The following CSMD1 variants were observed in gnomAD, a reference collection of about 807,000 sequenced individuals.
CSMD1 encodes CUB and Sushi multiple domains 1, also known as CUB and sushi domain-containing protein 1.
In CSMD1, 213 loss-of-function variants were observed where a neutral mutation model predicts 417.5. The observed-to-expected ratio is 0.51, with a 90% CI of 0.46 to 0.57. The LOEUF is 0.57. Among genes scored for constraint, CSMD1 ranks in the 20% least tolerant of loss-of-function variants. The probability of loss-of-function intolerance (pLI) is 0.00; values close to 1 mark genes in which losing one functional copy is unlikely to be tolerated. For synonymous variants in CSMD1, 2,862 were observed against 1,736.8 expected (o/e 1.65, Z -16.11); for missense variants, 6,923 against 4,529.7 (o/e 1.53, Z -15.17).
intron 2 of CSMD1, among the ~76,000 whole-genome samples, chr8:4,453,902 A>G (rs1478438936): frequency 9.5e-5 from 12 of 126,908 alleles, no homozygotes; most frequent in Non-Finnish European, 1.7e-4. Context: ...GCTCACTGCC[A>G]GCTCCGCCTC....
intron 2 of CSMD1, among the ~76,000 whole-genome samples, chr8:4,483,281 T>C (rs1221543601): frequency 6.6e-6 from 1 of 152,198 alleles, no homozygotes; most frequent in African/African-American, 2.4e-5. Flanking sequence ...GTGAGTCCAA[T>C]AAACCTCTTT....
chr8:4,306,843 A>AG (rs1315591708), intron 3 of CSMD1, among the ~76,000 whole-genome samples: 7 of 151,042 alleles, frequency 4.6e-5, no homozygotes, highest in Non-Finnish European at 1.0e-4. Context: ...TTTAAAAAAA[A>AG]TCTAATAATT....
chr8:3,695,204 G>T (rs1355173929), intron 7 of CSMD1, among the ~76,000 whole-genome samples: 4 of 151,702 alleles, frequency 2.6e-5, no homozygotes, highest in African/African-American at 7.3e-5. Flanking sequence ...TGAAAACCAG[G>T]TTTATCTTAT....
chr8:4,673,482 G>C (rs539939565), intron 1 of CSMD1, among the ~76,000 whole-genome samples: 2 of 152,124 alleles, frequency 1.3e-5, no homozygotes, highest in African/African-American at 4.8e-5. Context: ...TAAAACCTCA[G>C]GAAATGATTG....
chr8:3,578,164 T>A (rs1017037448), intron 9 of CSMD1, among the ~76,000 whole-genome samples: 4 of 152,216 alleles, frequency 2.6e-5, no homozygotes, highest in African/African-American at 9.6e-5. Flanking sequence ...CAGAAGGGTA[T>A]AATTTCTCAT....
chr8:4,046,841 T>C (rs1339010207), intron 3 of CSMD1, among the ~76,000 whole-genome samples: 1 of 152,146 alleles, frequency 6.6e-6, no homozygotes, highest in African/African-American at 2.4e-5. Context: ...ACTTCATGTA[T>C]TATTTCCCTG....
At chr8:3,202,292 C>G (rs957423526) in intron 31 of CSMD1, among the ~76,000 whole-genome samples, 7 of 152,220 alleles carry the variant, frequency 4.6e-5, no homozygotes, top group Non-Finnish European at 7.3e-5. Context: ...TAAAATTCCT[C>G]ACAAAAGATT....
chr8:4,728,725 G>T (rs1159318110), intron 1 of CSMD1, among the ~76,000 whole-genome samples: 1 of 151,958 alleles, frequency 6.6e-6, no homozygotes, highest in Non-Finnish European at 1.5e-5. Flanking sequence ...TCGTATTTCA[G>T]TAGATGCTCA....
chr8:4,776,558 G>A (rs1297835232), intron 1 of CSMD1, among the ~76,000 whole-genome samples: 2 of 152,014 alleles, frequency 1.3e-5, no homozygotes, highest in Non-Finnish European at 2.9e-5. Context: ...TTCCACTACG[G>A]GCTGCATTGT....
At chr8:4,594,634 G>C (rs147510615) in intron 2 of CSMD1, among the ~76,000 whole-genome samples, 5 of 152,090 alleles carry the variant, frequency 3.3e-5, no homozygotes, top group African/African-American at 1.2e-4. Context: ...TTTGAACCTG[G>C]TCTTTCAACT....
chr8:3,171,026 A>G (rs1263411275), intron 37 of CSMD1, among the ~76,000 whole-genome samples: 3 of 152,206 alleles, frequency 2.0e-5, no homozygotes, highest in Admixed American at 1.3e-4. Flanking sequence ...TTTGGAATAA[A>G]TCTGAGCATG....
intron 3 of CSMD1, among the ~76,000 whole-genome samples, chr8:4,261,947 A>C (rs779106): frequency 6.6e-6 from 1 of 152,030 alleles, no homozygotes; most frequent in African/African-American, 2.4e-5. Flanking sequence ...CAATGTAACA[A>C]AACAGAAAAA....
intron 30 of CSMD1, among the ~76,000 whole-genome samples, chr8:3,210,611 T>C (rs1797550160): frequency 1.3e-5 from 2 of 148,460 alleles, no homozygotes; most frequent in African/African-American, 2.5e-5. Flanking sequence ...TGTGTATAAA[T>C]ATATAGACAG....
intron 3 of CSMD1, among the ~76,000 whole-genome samples, chr8:4,179,198 C>A (rs1266130416): frequency 6.6e-6 from 1 of 152,076 alleles, no homozygotes; most frequent in Non-Finnish European, 1.5e-5. Context: ...CTACAGAAAC[C>A]AAAACAGCAT....
chr8:3,873,638 A>G (rs1805628548), intron 5 of CSMD1, among the ~76,000 whole-genome samples: 1 of 152,212 alleles, frequency 6.6e-6, no homozygotes, highest in African/African-American at 2.4e-5. Context: ...AATAATTTGC[A>G]TATCAAACCC....
intron 26 of CSMD1, among the ~76,000 whole-genome samples, chr8:3,271,014 G>A (rs917213140): frequency 6.6e-6 from 1 of 151,548 alleles, no homozygotes; most frequent in Non-Finnish European, 1.5e-5. Context: ...TGCCATGCTG[G>A]TGCGCTGCAC....
intron 10 of CSMD1, among the ~76,000 whole-genome samples, chr8:3,535,156 G>A (rs577215289): frequency 1.3e-5 from 2 of 151,948 alleles, no homozygotes; most frequent in African/African-American, 4.8e-5. Context: ...GTCTCACCAT[G>A]GTGCCCATGC....
At chr8:4,004,090 A>C (rs1815914880) in intron 4 of CSMD1, among the ~76,000 whole-genome samples, 1 of 152,202 alleles carries the variant, frequency 6.6e-6, no homozygotes, top group African/African-American at 2.4e-5. Context: ...AAAGCAGAAC[A>C]AATTTATCTA....
At chr8:3,754,701 T>C (rs1324502605) in intron 5 of CSMD1, among the ~76,000 whole-genome samples, 1 of 152,212 alleles carries the variant, frequency 6.6e-6, no homozygotes, top group Non-Finnish European at 1.5e-5. Flanking sequence ...GTGATCTGCC[T>C]GCCTTGGCCT....
Sources: gnomAD v4.1 joint callset for allele counts (sites outside exome capture counted in the v4.1 genomes callset) on GRCh38, gnomAD v4.1.1 for gene constraint, MANE v1.5 for transcripts, NCBI Gene and HGNC (gene_info 2026-07-23, HGNC 2026-07-21) for gene names.